CAD: variants seen among roughly 807,000 people sequenced by gnomAD.
The protein encoded by CAD is carbamoyl-phosphate synthetase 2, aspartate transcarbamylase, and dihydroorotase, also known as multifunctional protein CAD.
CAD carries 81 observed loss-of-function variants against 237.2 expected under a neutral mutation model. That is an observed-to-expected ratio of 0.34 (90% CI 0.29 to 0.41). The LOEUF (loss-of-function observed/expected upper bound fraction) is 0.41. Among genes scored for constraint, CAD ranks in the 10% least tolerant of loss-of-function variants. The probability of loss-of-function intolerance (pLI) is 1.00; values close to 1 mark genes in which losing one functional copy is unlikely to be tolerated. For missense variants in CAD, 2,181 were observed against 2,951.7 expected, an observed-to-expected ratio of 0.74 and a Z score of 6.05; for synonymous variants, 1,196 against 1,162.8, an observed-to-expected ratio of 1.03 and a Z score of -0.58.
chr2:27,236,077 C>T lies in CAD; in HGVS notation c.4075-207C>T, dbSNP rs1211846617. Among the ~76,000 whole-genome samples the T allele has an allele frequency of 2.0e-5, 3 of 152,190 alleles. No individual in the cohort carries two copies. Among genetic ancestry groups the T allele is most frequent in the African/African-American group, 7.2e-5 (3 of 41,440 alleles). ...TGTGTGAGCTCATACTGCACCTAGTCCTTGGTAACCCATCTTACTTAGTGT... is the reference window on the plus strand; with the variant it reads ...TGTGTGAGCTCATACTGCACCTAGTTCTTGGTAACCCATCTTACTTAGTGT... On this transcript the variant is annotated intron_variant, in intron 25 of 43. Transcript: ENST00000264705. This position sits in a 1 kb window ranked among gnomAD's most constrained non-coding sequence, Gnocchi z 4.1.
chr2:27,241,234 G>C lies in CAD; in HGVS notation c.5808+7G>C. ...GCAGTTCACCAAGGATCAGGTGCCT[G>C]GGGCAGGGAGGATGGGACCACCCAG... is the stretch of plus-strand genomic sequence containing the variant. On this transcript the variant is annotated splice_region_variant and intron_variant, in intron 37 of 43. Transcript: ENST00000264705. The surrounding 1 kb of genome is among the most constrained non-coding windows in gnomAD (Gnocchi z 4.6). The C allele has an allele frequency of 6.2e-7, 1 of 1,611,880 alleles. No individual in the cohort carries two copies. Among genetic ancestry groups the C allele is most frequent in the Non-Finnish European group, 8.5e-7 (1 of 1,178,928 alleles).
Position 27,232,205 on chromosome 2 carries a change from A to G in CAD, c.2626A>G (p.Ile876Val), listed in dbSNP as rs371913912. ...GTGTCTTGGCTTCTCAGACAAACAG[A>G]TTGCCCTTGCAGTTCTGAGGTCAGA... ...AKCLGFSDKQ[I>V]ALAVLSTELA... The change falls in exon 17 of 44, where the codon ATT becomes GTT. Residue 876 changes from isoleucine (I) to valine (V), a missense_variant. By Grantham distance (29) the Ile-to-Val change is conservative. Around this residue, in one of 12 missense-constraint regions of CAD, gnomAD observed 385 missense variants for 535.1 expected, o/e 0.72. Coordinates refer to ENST00000264705, the MANE Select transcript of CAD (RefSeq NM_004341.5). This position sits in a 1 kb window ranked among gnomAD's most constrained non-coding sequence, Gnocchi z 4.1. 1 of 1,614,038 alleles carries G rather than the reference A, an allele frequency of 6.2e-7. No individual in the cohort carries two copies. The highest frequency in any genetic ancestry group is 8.5e-7 in the Non-Finnish European group (1 of 1,180,048).
In CAD at chr2:27,226,950, A is replaced by G; in HGVS notation, c.2275A>G (p.Met759Val). ...LRVSTKIGSC[M>V]KSVGEVMGIG... ...AGTCAGCACAAAGATTGGGAGCTGCATGAAGAGCGTTGGTGAGACTCATGC... is the reference window on the plus strand; with the variant it reads ...AGTCAGCACAAAGATTGGGAGCTGCGTGAAGAGCGTTGGTGAGACTCATGC... Residue 759 changes from methionine to valine, a missense_variant, in exon 15 of 44, where the codon ATG becomes GTG. This residue lies in a region of CAD where 385 missense variants were observed against 535.1 expected (regional missense o/e 0.72). Transcript: ENST00000264705. 6.2e-7 allele frequency: 1 copy of G among 1,614,182 alleles called. No homozygotes were observed. Among genetic ancestry groups the G allele is most frequent in the Non-Finnish European group, 8.5e-7 (1 of 1,180,012 alleles).
rs971992693 is a variant in CAD at position 27,237,413 on chromosome 2, A to G, written c.4431A>G (p.Pro1477=). The G allele has an allele frequency of 6.2e-7, 1 of 1,614,202 alleles. No individual in the cohort carries two copies. ...ATGTCCATGTGCACCTGCGGGAACC[A>G]GGTGGGACACATAAGGAGGACTTTG... ...LIDVHVHLRE[P]GGTHKEDFAS... The change falls in exon 28 of 44, where the codon CCA becomes CCG. Residue 1477 remains proline (P), a synonymous_variant. Transcript: ENST00000264705. The surrounding 1 kb of genome is among the most constrained non-coding windows in gnomAD (Gnocchi z 4.0).
chr2:27,218,034 T>C lies in CAD; in HGVS notation c.222+18T>C. 2 of 1,575,658 alleles carry C rather than the reference T, an allele frequency of 1.3e-6. No individual in the cohort carries two copies. The highest frequency in any genetic ancestry group is 1.2e-5 in the South Asian group (1 of 85,316). On this transcript the variant is annotated intron_variant, in intron 2 of 43. Transcript: ENST00000264705. ...TCTGCAAGGTAGCCACACCCAGTGC[T>C]TTCTCTACATTCCTTTTCAAGTCAG...
intron 2 of CAD, among the ~76,000 whole-genome samples, chr2:27,219,239 C>A (rs1472524388): frequency 2.0e-5 from 3 of 152,216 alleles, no homozygotes; most frequent in African/African-American, 7.2e-5. Flanking sequence ...TTAAACTGTT[C>A]ATCACCCAGC....
rs1367726407 is a variant in CAD at position 27,240,396 on chromosome 2, T to C, written c.5593+35T>C. 6.3e-6 allele frequency: 10 copies of C among 1,586,210 alleles called. No homozygotes were observed. The highest frequency in any genetic ancestry group is 8.7e-6 in the Non-Finnish European group (10 of 1,154,622). ...GGGTTCCTGTGACTCAGAGACTGTG[T>C]AGGGACAGGATCCACTTCTTCCCAG... is the stretch of plus-strand genomic sequence containing the variant. On this transcript the variant is annotated intron_variant, in intron 35 of 43. Coordinates refer to ENST00000264705, the MANE Select transcript of CAD (RefSeq NM_004341.5). The surrounding 1 kb of genome is among the most constrained non-coding windows in gnomAD (Gnocchi z 4.6).
In CAD at chr2:27,240,604, C is replaced by T; in HGVS notation, c.5593+243C>T. ...GCCCAGGAGCTGGGATCCCACGGGGCAGCAGAGCGTGGGGTAAATCCAGGT... is the reference window on the plus strand; with the variant it reads ...GCCCAGGAGCTGGGATCCCACGGGGTAGCAGAGCGTGGGGTAAATCCAGGT... On this transcript the variant is annotated intron_variant, in intron 35 of 43. Coordinates refer to ENST00000264705, the MANE Select transcript of CAD (RefSeq NM_004341.5). This position sits in a 1 kb window ranked among gnomAD's most constrained non-coding sequence, Gnocchi z 4.6. 6.5e-7 allele frequency: 1 copy of T among 1,544,350 alleles called. No homozygotes were observed. The highest frequency in any genetic ancestry group is 8.7e-7 in the Non-Finnish European group (1 of 1,143,388).
At chr2:27,224,684 T>G in intron 9 of CAD, 61 bp from the exon 10 acceptor site, 3 of 1,609,034 alleles carry the variant, frequency 1.9e-6, no homozygotes, top group Non-Finnish European at 2.6e-6. Context: ...AATGCTACTC[T>G]AAGGCTGTTT....
rs1676163117 is a variant in CAD, at chr2:27,239,018, G to A, written c.5063-24G>A. 1 of 1,535,538 alleles carries A rather than the reference G, an allele frequency of 6.5e-7. No homozygotes were observed. Among genetic ancestry groups the A allele is most frequent in the South Asian group, 1.3e-5 (1 of 77,158 alleles). Reference sequence around the variant, plus strand: ...TAGACATGGAGGTGATTGGTCCTGAGGGTAATGGCTTTCTTTCTCCCAGCT... The same window carrying A: ...TAGACATGGAGGTGATTGGTCCTGAAGGTAATGGCTTTCTTTCTCCCAGCT... On this transcript the variant is annotated intron_variant, in intron 31 of 43. Transcript: ENST00000264705. This position sits in a 1 kb window ranked among gnomAD's most constrained non-coding sequence, Gnocchi z 4.0.
chr2:27,219,211 T>C (rs920143060), intron 2 of CAD, among the ~76,000 whole-genome samples: 3 of 152,226 alleles, frequency 2.0e-5, no homozygotes, highest in Non-Finnish European at 4.4e-5. Flanking sequence ...CCCTGGACAG[T>C]CTCAGAATGC....
chr2:27,235,363 C>G lies in CAD; in HGVS notation c.3905C>G (p.Ala1302Gly), dbSNP rs1303849168. The change falls in exon 24 of 44, where the codon GCC (alanine) becomes GGC (glycine). Residue 1302 changes from alanine (A) to glycine (G), a missense_variant. This residue lies in a region of CAD where 306 missense variants were observed against 607.9 expected (regional missense o/e 0.50). Coordinates refer to ENST00000264705, the MANE Select transcript of CAD (RefSeq NM_004341.5). The surrounding 1 kb of genome is among the most constrained non-coding windows in gnomAD (Gnocchi z 5.2). ...AGCCGCTGTGAGGCATACCTCAAGG[C>G]CATGCTAAGCACTGGCTTTAAGATC... ...GESRCEAYLK[A>G]MLSTGFKIPK... The G allele has an allele frequency of 3.1e-6, 5 of 1,613,852 alleles. No homozygotes were observed. The highest frequency in any genetic ancestry group is 4.2e-6 in the Non-Finnish European group (5 of 1,179,956).
At chr2:27,220,341 T>G (rs1029772950) in intron 2 of CAD, among the ~76,000 whole-genome samples, 1 of 152,126 alleles carries the variant, frequency 6.6e-6, no homozygotes, top group African/African-American at 2.4e-5. Flanking sequence ...ATTTGTGATT[T>G]CAGTTTTAGA....
At chr2:27,230,767 A>G (rs1167366567) in intron 15 of CAD, among the ~76,000 whole-genome samples, 2 of 152,258 alleles carry the variant, frequency 1.3e-5, no homozygotes, top group Admixed American at 6.5e-5. Context: ...AAAGTTTTAA[A>G]GAATTCCAGT....
At position 27,235,832 on chromosome 2, in the gene CAD, C is replaced by T. The variant is rs558383842; in HGVS notation, c.4074+192C>T. 2.2e-5 allele frequency: 12 copies of T among 538,062 alleles called. No individual in the cohort carries two copies. The highest frequency in any genetic ancestry group is 3.6e-5 in the Non-Finnish European group (11 of 304,552). 33.3% of individuals were successfully genotyped at this position (538,062 alleles called of 1,614,324 possible). Reference sequence around the variant, plus strand: ...GTGAGCTGCGAGTGTGCAGTGAGTGCACCACTGCACTCCAGCTTGGGAAAC... The same window carrying T: ...GTGAGCTGCGAGTGTGCAGTGAGTGTACCACTGCACTCCAGCTTGGGAAAC... On this transcript the variant is annotated intron_variant, in intron 25 of 43. Coordinates refer to ENST00000264705, the MANE Select transcript of CAD (RefSeq NM_004341.5). The surrounding 1 kb of genome is among the most constrained non-coding windows in gnomAD (Gnocchi z 5.2).
Position 27,242,314 on chromosome 2 carries a change from C to T in CAD, c.6109C>T (p.His2037Tyr). Residue 2037 changes from histidine (H) to tyrosine (Y), a missense_variant, in exon 40 of 44, where the codon CAC becomes TAC. Physicochemically the swap from His to Tyr is moderately conservative, Grantham distance 83. This residue lies in a region of CAD where 203 missense variants were observed against 284.5 expected (regional missense o/e 0.71). Transcript: ENST00000264705. This position sits in a 1 kb window ranked among gnomAD's most constrained non-coding sequence, Gnocchi z 6.4. ...QPGAVELAAK[H>Y]CRRPVINAGD... ...CCCTTTTTTCCAGCTGGCCGCCAAG[C>T]ACTGCCGGAGGCCAGTGATCAATGC... 6.2e-7 allele frequency: 1 copy of T among 1,609,574 alleles called. No individual in the cohort carries two copies. Among genetic ancestry groups the T allele is most frequent in the Non-Finnish European group, 8.5e-7 (1 of 1,176,784 alleles).
intron 30 of CAD, 79 bp downstream of exon 30, chr2:27,238,266 G>A: frequency 6.5e-7 from 1 of 1,539,758 alleles, no homozygotes; most frequent in Non-Finnish European, 8.8e-7. Flanking sequence ...TTAGGGGCAG[G>A]AGACAGCAGG....
chr2:27,222,668 G>T lies in CAD; in HGVS notation c.637+8G>T. The T allele has an allele frequency of 6.2e-7, 1 of 1,611,474 alleles. No homozygotes were observed. Among genetic ancestry groups the T allele is most frequent in the Non-Finnish European group, 8.5e-7 (1 of 1,177,980 alleles). On this transcript the variant is annotated splice_region_variant and intron_variant, in intron 5 of 43. Transcript: ENST00000264705. ...ATGCACTAGACAGCCAAGGTGAGTAGCTGGGGCCTGTTCAGGGCCTCAGAC... is the reference window on the plus strand; with the variant it reads ...ATGCACTAGACAGCCAAGGTGAGTATCTGGGGCCTGTTCAGGGCCTCAGAC...
In CAD at chr2:27,241,355, C is replaced by T; in HGVS notation, c.5842C>T (p.Arg1948Cys). The T allele has an allele frequency of 6.2e-7, 1 of 1,614,180 alleles. No homozygotes were observed. Among genetic ancestry groups the T allele is most frequent in the Non-Finnish European group, 8.5e-7 (1 of 1,180,020 alleles). The change falls in exon 38 of 44, where the codon CGT (arginine) becomes TGT (cysteine). Residue 1948 changes from arginine (R) to cysteine (C), a missense_variant. Coordinates refer to ENST00000264705, the MANE Select transcript of CAD (RefSeq NM_004341.5). The surrounding 1 kb of genome is among the most constrained non-coding windows in gnomAD (Gnocchi z 4.6). ...SHLFNVAHTL[R>C]MMVQKERSLD... is the part of the protein sequence containing the mutation. ...CCTGTTCAATGTGGCACACACACTGCGTATGATGGTGCAGAAGGAGCGGAG... is the reference window on the plus strand; with the variant it reads ...CCTGTTCAATGTGGCACACACACTGTGTATGATGGTGCAGAAGGAGCGGAG...
Sources: allele counts gnomAD v4.1 joint callset (sites outside exome capture counted in the v4.1 genomes callset), GRCh38; gene constraint gnomAD v4.1.1; regional missense constraint gnomAD v4.1.1; non-coding constraint Gnocchi (gnomAD v3.1); transcripts MANE v1.5; gene names NCBI Gene and HGNC (gene_info 2026-07-23, HGNC 2026-07-21).